The following PCDHGA5 variants were observed in gnomAD, a reference collection of about 807,000 sequenced individuals.
PCDHGA5 encodes protocadherin gamma subfamily A, 5.
A neutral mutation model predicts 56.7 loss-of-function variants in PCDHGA5; 36 were observed. That is an observed-to-expected ratio of 0.64 (90% CI 0.49 to 0.84). The LOEUF (loss-of-function observed/expected upper bound fraction) is 0.84, where lower values mean the gene tolerates loss of function less well. Ranked by LOEUF, PCDHGA5 falls within the 40% of genes least tolerant of loss-of-function variation. The pLI is 0.00. For synonymous variants in PCDHGA5, 563 were observed against 520.2 expected (o/e 1.08, Z -1.12); for missense variants, 1,305 against 1,201.5 (o/e 1.09, Z -1.27).
At chr5:141,383,976 C>G in intron 1 of PCDHGA5, 1 of 1,613,760 alleles carries the variant, frequency 6.2e-7, no homozygotes, top group Non-Finnish European at 8.5e-7. Flanking sequence ...TCCCTGAAGA[C>G]ACACCTCTTG....
rs1488446232 is a variant in PCDHGA5, at chr5:141,493,171, A to G, written c.2422-1636A>G. On this transcript the variant is annotated intron_variant, in intron 1 of 3. Coordinates refer to ENST00000518069, the MANE Select transcript of PCDHGA5 (RefSeq NM_018918.3). This position sits in a 1 kb window ranked among gnomAD's most constrained non-coding sequence, Gnocchi z 4.3. ...GGTGATTTTGATAGCTGATTGAGAG[A>G]AACTTACTATATAACTCCTTTGAGA... is the stretch of plus-strand genomic sequence containing the variant. 6.6e-6 allele frequency among the ~76,000 whole-genome samples: 1 copy of G among 152,214 alleles called. No homozygotes were observed. The highest frequency in any genetic ancestry group is 1.5e-5 in the Non-Finnish European group (1 of 68,034).
Position 141,444,232 on chromosome 5 carries a change from C to T in PCDHGA5, c.2422-50575C>T, listed in dbSNP as rs1411172798. Among the ~76,000 whole-genome samples the T allele has an allele frequency of 2.5e-5, 3 of 122,350 alleles. No individual in the cohort carries two copies. In the Admixed American group the frequency reaches 3.3e-4, roughly 14 times the overall value. The allele number at this position is 122,350 out of a possible 152,430, so 80.3% of individuals were successfully genotyped here. ...TGTTGCCCAGGCTGGAGTGCAATGG[C>T]ATGCTCTCGGCTCACTGCAACCTCC... is the stretch of plus-strand genomic sequence containing the variant. On this transcript the variant is annotated intron_variant, in intron 1 of 3. Coordinates refer to ENST00000518069, the MANE Select transcript of PCDHGA5 (RefSeq NM_018918.3).
At chr5:141,427,808 G>C (rs756554301) in intron 1 of PCDHGA5, 1 of 1,522,948 alleles carries the variant, frequency 6.6e-7, no homozygotes, top group Non-Finnish European at 9.0e-7. Context: ...TGAGCGCACA[G>C]AGCGGGGTGG....
intron 1 of PCDHGA5, chr5:141,374,176 C>A: frequency 6.2e-7 from 1 of 1,613,572 alleles, no homozygotes. Context: ...CAGCGCAGAT[C>A]CGCTACTCTA....
At chr5:141,422,880 G>T in intron 1 of PCDHGA5, 1 of 1,614,258 alleles carries the variant, frequency 6.2e-7, no homozygotes, top group East Asian at 2.2e-5. Flanking sequence ...CGCTGAGCCT[G>T]TTCGTGCTGG....
chr5:141,467,268 G>C lies in PCDHGA5; in HGVS notation c.2422-27539G>C, dbSNP rs1195615721. On this transcript the variant is annotated intron_variant, in intron 1 of 3. Transcript: ENST00000518069. The stretch of plus-strand genomic sequence containing the variant: ...GGGTTTCACCATGTTGGCCAGGCTG[G>C]TCTCGAACTCTTGACCTCAAGTGAT... Among the ~76,000 whole-genome samples, 3 of 152,030 alleles carry C rather than the reference G, an allele frequency of 2.0e-5. No homozygotes were observed. The South Asian group carries it at 6.2e-4, about 32-fold the overall frequency.
rs765756193 is a variant in PCDHGA5, at chr5:141,511,105, C to T, written c.2728C>T (p.Arg910Trp). The T allele has an allele frequency of 2.8e-5, 46 of 1,614,196 alleles. No individual in the cohort carries two copies. In the East Asian group the frequency reaches 3.1e-4, roughly 11 times the overall value. Residue 910 changes from arginine to tryptophan, a missense_variant, in exon 4 of 4, where the codon CGG becomes TGG. Transcript: ENST00000518069. ...CACACTGACCAACGCAGCTGGCAAG[C>T]GGGATGGCAAGGCCCCAGCAGGTGG... ...NATLTNAAGK[R>W]DGKAPAGGNG...
At chr5:141,468,797 C>A (rs191599825) in intron 1 of PCDHGA5, among the ~76,000 whole-genome samples, 1 of 151,770 alleles carries the variant, frequency 6.6e-6, no homozygotes, top group East Asian at 1.9e-4. Context: ...ACCCGGGAGG[C>A]GGAACTTGCA....
At chr5:141,401,033 C>T (rs1437899833) in intron 1 of PCDHGA5, among the ~76,000 whole-genome samples, 1 of 152,016 alleles carries the variant, frequency 6.6e-6, no homozygotes, top group Non-Finnish European at 1.5e-5. Context: ...TTTGAATCTC[C>T]TAAAATTTTA....
chr5:141,505,443 C>A lies in PCDHGA5; in HGVS notation c.2531C>A (p.Thr844Lys). ...TGTWPNNQFD[T>K]EMLQAMILAS... ...ACCTGGCCCAACAACCAGTTTGACA[C>A]AGAGATGCTGCAAGCCATGATCTTG... Residue 844 changes from threonine to lysine, a missense_variant, in exon 3 of 4, where the codon ACA becomes AAA. Physicochemically the swap from Thr to Lys is moderately conservative, Grantham distance 78. Transcript: ENST00000518069. 2 of 1,614,224 alleles carry A rather than the reference C, an allele frequency of 1.2e-6. No homozygotes were observed. Among genetic ancestry groups the A allele is most frequent in the Non-Finnish European group, 8.5e-7 (1 of 1,180,042 alleles).
intron 1 of PCDHGA5, chr5:141,378,539 A>G (rs891154115): frequency 5.3e-5 from 8 of 152,296 alleles, no homozygotes; most frequent in African/African-American, 1.9e-4. Flanking sequence ...TAATAATGAT[A>G]ATTAATAAAT....
intron 1 of PCDHGA5, among the ~76,000 whole-genome samples, chr5:141,480,151 C>T (rs543997143): frequency 1.3e-5 from 2 of 152,162 alleles, no homozygotes; most frequent in African/African-American, 4.8e-5. Context: ...TTAGCCAGCT[C>T]CTAGCATTTT....
At chr5:141,482,840 G>A (rs1343123459) in intron 1 of PCDHGA5, among the ~76,000 whole-genome samples, 2 of 152,212 alleles carry the variant, frequency 1.3e-5, no homozygotes, top group Admixed American at 6.5e-5. Context: ...GGGAGGCCAA[G>A]GTGGGCAGAT....
chr5:141,431,554 C>G lies in PCDHGA5; in HGVS notation c.2422-63253C>G. 1 of 1,614,126 alleles carries G rather than the reference C, an allele frequency of 6.2e-7. No homozygotes were observed. The highest frequency in any genetic ancestry group is 1.7e-5 in the Admixed American group (1 of 60,032). ...TGGGCACGCAGCTGCTTGTAGTCAA[C>G]GCTACCGACCCTGACGAAGGAGTCA... is the stretch of plus-strand genomic sequence containing the variant. On this transcript the variant is annotated intron_variant, in intron 1 of 3. Coordinates refer to ENST00000518069, the MANE Select transcript of PCDHGA5 (RefSeq NM_018918.3). This position sits in a 1 kb window ranked among gnomAD's most constrained non-coding sequence, Gnocchi z 4.8.
intron 1 of PCDHGA5, chr5:141,389,691 T>G: frequency 6.2e-7 from 1 of 1,612,564 alleles, no homozygotes; most frequent in Non-Finnish European, 8.5e-7. Context: ...CGCCTGGCTG[T>G]CCTACCACGT....
intron 1 of PCDHGA5, among the ~76,000 whole-genome samples, chr5:141,472,274 G>A (rs1170341842): frequency 6.6e-6 from 1 of 152,176 alleles, no homozygotes; most frequent in Admixed American, 6.5e-5. Flanking sequence ...GGGCACAGTG[G>A]CTCACACCTG....
At chr5:141,425,524 G>C (rs2096881323) in intron 1 of PCDHGA5, among the ~76,000 whole-genome samples, 1 of 152,184 alleles carries the variant, frequency 6.6e-6, no homozygotes, top group Non-Finnish European at 1.5e-5. Context: ...GATGAAACAT[G>C]AAACAATAAT....
intron 1 of PCDHGA5, among the ~76,000 whole-genome samples, chr5:141,449,310 A>G (rs1006876700): frequency 4.6e-5 from 7 of 152,112 alleles, no homozygotes; most frequent in Non-Finnish European, 7.4e-5. Context: ...TATGTATTAT[A>G]TAATTGTATC....
At position 141,364,741 on chromosome 5, in the gene PCDHGA5, G is replaced by C. The variant is rs774257321; in HGVS notation, c.411G>C (p.Glu137Asp). 5.6e-6 allele frequency: 9 copies of C among 1,613,840 alleles called. No homozygotes were observed. In the Admixed American group the frequency reaches 1.5e-4, roughly 27 times the overall value. Reference sequence around the variant, plus strand: ...ACTTCCCGCGTTTCCGGGATGAAGAGTTAAAAGTAAAAGTTAATGAAAATG... The same window carrying C: ...ACTTCCCGCGTTTCCGGGATGAAGACTTAAAAGTAAAAGTTAATGAAAATG... ...NDNFPRFRDE[E>D]LKVKVNENAA... The change falls in exon 1 of 4, where the codon GAG becomes GAC. Residue 137 changes from glutamate (E) to aspartate (D), a missense_variant. Transcript: ENST00000518069.
Sources: gnomAD v4.1 joint callset for allele counts (sites outside exome capture counted in the v4.1 genomes callset) on GRCh38, gnomAD v4.1.1 for gene constraint, Gnocchi (gnomAD v3.1) non-coding constraint, MANE v1.5 for transcripts, NCBI Gene and HGNC (gene_info 2026-07-23, HGNC 2026-07-21) for gene names.